The following ARHGAP23 variants were observed in gnomAD, a reference collection of about 807,000 sequenced individuals.
The protein encoded by ARHGAP23 is rho GTPase-activating protein 23.
In ARHGAP23, 34 loss-of-function variants were observed where a neutral mutation model predicts 136.3. The observed-to-expected ratio is 0.25, with a 90% CI of 0.19 to 0.33. The LOEUF (loss-of-function observed/expected upper bound fraction) is 0.33, where lower values mean the gene tolerates loss of function less well. Ranked by LOEUF, ARHGAP23 falls within the 10% of genes least tolerant of loss-of-function variation. The probability of loss-of-function intolerance (pLI) is 1.00; values close to 1 mark genes in which losing one functional copy is unlikely to be tolerated. For missense variants in ARHGAP23, 1,808 were observed against 2,139.0 expected (o/e 0.85, Z 3.05); for synonymous variants, 832 against 920.5 (o/e 0.90, Z 1.74).
chr17:38,446,086 C>T (rs2039026944), intron 1 of ARHGAP23, among the ~76,000 whole-genome samples: 1 of 150,188 alleles, frequency 6.7e-6, no homozygotes. Flanking sequence ...GCGATTTCAG[C>T]TCATTGTAAC....
chr17:38,444,442 G>A (rs1167534459), intron 1 of ARHGAP23, among the ~76,000 whole-genome samples: 3 of 152,114 alleles, frequency 2.0e-5, no homozygotes, highest in Admixed American at 1.3e-4. Context: ...GTGGCGCGTT[G>A]GAATGGGCAT....
rs368977450 is a variant in ARHGAP23 at position 38,466,282 on chromosome 17, G to A, written c.599G>A (p.Arg200Gln). The change falls in exon 7 of 24, where the codon CGG becomes CAG. Residue 200 changes from arginine (R) to glutamine (Q), a missense_variant. By Grantham distance (43) the Arg-to-Gln change is conservative. This residue lies in a region of ARHGAP23 where 859 missense variants were observed against 936.4 expected (regional missense o/e 0.92). Coordinates refer to ENST00000622683, the MANE Select transcript of ARHGAP23 (RefSeq NM_001199417.2). ...YPRKTYAPPARASTRATMVPE... is the reference protein window; with the variant it reads ...YPRKTYAPPAQASTRATMVPE... ...CGCAAGACCTACGCCCCTCCTGCCC[G>A]GGCCTCCACCAGGGCCACTATGGTG... The A allele has an allele frequency of 1.2e-4, 184 of 1,547,742 alleles. No individual in the cohort carries two copies. In the Admixed American group the frequency reaches 1.5e-3, roughly 13 times the overall value.
At chr17:38,467,716 T>C (rs1001708148) in intron 7 of ARHGAP23, among the ~76,000 whole-genome samples, 1 of 152,118 alleles carries the variant, frequency 6.6e-6, no homozygotes, top group Admixed American at 6.5e-5. Flanking sequence ...CCATCTATTC[T>C]TCCTTCTTTC....
At chr17:38,449,211 C>T (rs2039102736) in intron 1 of ARHGAP23, among the ~76,000 whole-genome samples, 1 of 152,190 alleles carries the variant, frequency 6.6e-6, no homozygotes, top group African/African-American at 2.4e-5. Flanking sequence ...CCTCATCTCC[C>T]TTCCCAGGCT....
At chr17:38,498,859 C>A in intron 22 of ARHGAP23, 1 of 696,534 alleles carries the variant, frequency 1.4e-6, no homozygotes, top group South Asian at 1.5e-5. Context: ...CCTTGCACCC[C>A]CGCCTCTCCC....
chr17:38,489,179 C>T (rs908185976), intron 17 of ARHGAP23, among the ~76,000 whole-genome samples: 8 of 152,138 alleles, frequency 5.3e-5, no homozygotes, highest in South Asian at 2.1e-4. Flanking sequence ...TGTGCCTGGC[C>T]GAAAACAATT....
chr17:38,420,856 G>A (rs1027992534), intron 1 of ARHGAP23, among the ~76,000 whole-genome samples: 2 of 152,170 alleles, frequency 1.3e-5, no homozygotes, highest in African/African-American at 4.8e-5. Context: ...GGAGGGAAGA[G>A]TAGTAAATGC....
chr17:38,490,025 C>T lies in ARHGAP23; in HGVS notation c.2987-77C>T, dbSNP rs1359795830. 5 of 1,420,972 alleles carry T rather than the reference C, an allele frequency of 3.5e-6. No individual in the cohort carries two copies. The East Asian group carries it at 7.4e-5, about 21-fold the overall frequency. The allele number at this position is 1,420,972 out of a possible 1,614,324, so 88.0% of individuals were successfully genotyped here. On this transcript the variant is annotated intron_variant, in intron 17 of 23. Coordinates refer to ENST00000622683, the MANE Select transcript of ARHGAP23 (RefSeq NM_001199417.2). ...CTGGAGGAGTTCAAAACACAGCCCT[C>T]CCAGCAGGGCCCTTGGCCGGGAGAA... is the stretch of plus-strand genomic sequence containing the variant.
At chr17:38,474,073 A>G (rs1003108783) in intron 11 of ARHGAP23, among the ~76,000 whole-genome samples, 8 of 152,152 alleles carry the variant, frequency 5.3e-5, no homozygotes, top group African/African-American at 1.9e-4. Flanking sequence ...GGCGCCTGCT[A>G]CCACACCCAG....
At chr17:38,423,184 G>A (rs954547815) in intron 1 of ARHGAP23, among the ~76,000 whole-genome samples, 6 of 151,866 alleles carry the variant, frequency 4.0e-5, no homozygotes, top group African/African-American at 1.5e-4. Context: ...GCATGTACTA[G>A]GTGCTCAATA....
chr17:38,479,646 A>G (rs2039982996), intron 13 of ARHGAP23, 107 bp from the exon 14 acceptor site: 4 of 1,340,256 alleles, frequency 3.0e-6, no homozygotes, highest in Non-Finnish European at 4.0e-6. Context: ...GCATGGAGGC[A>G]TTGCCTCAGG....
At chr17:38,446,156 A>T (rs2039028698) in intron 1 of ARHGAP23, among the ~76,000 whole-genome samples, 1 of 145,876 alleles carries the variant, frequency 6.9e-6, no homozygotes, top group Non-Finnish European at 1.5e-5. Flanking sequence ...CTGGGACTAC[A>T]TGTATGTGCC....
intron 11 of ARHGAP23, among the ~76,000 whole-genome samples, chr17:38,476,486 C>T (rs2039893731): frequency 6.6e-6 from 1 of 152,112 alleles, no homozygotes; most frequent in Non-Finnish European, 1.5e-5. Context: ...TAAGAAATCA[C>T]ATGGCCTGGC....
chr17:38,483,613 C>T (rs983587303), intron 16 of ARHGAP23, among the ~76,000 whole-genome samples: 15 of 152,240 alleles, frequency 9.9e-5, no homozygotes, highest in Non-Finnish European at 1.8e-4. Context: ...TGATGTCCCA[C>T]GAATCACACA....
intron 20 of ARHGAP23, among the ~76,000 whole-genome samples, chr17:38,496,696 G>A (rs1597840546): frequency 1.3e-5 from 2 of 152,120 alleles, no homozygotes; most frequent in Non-Finnish European, 1.5e-5. Context: ...TGGTATGCCT[G>A]TAATCCCAGC....
intron 1 of ARHGAP23, among the ~76,000 whole-genome samples, chr17:38,450,116 C>T (rs2039128289): frequency 6.6e-6 from 1 of 152,170 alleles, no homozygotes; most frequent in Non-Finnish European, 1.5e-5. Flanking sequence ...GAGCAGGGCT[C>T]CCTTGGTTTG....
chr17:38,424,154 C>T (rs898870646), upstream of ARHGAP23, among the ~76,000 whole-genome samples: 10 of 152,154 alleles, frequency 6.6e-5, no homozygotes, highest in Non-Finnish European at 1.5e-4. Flanking sequence ...TTCAGGGCTC[C>T]TTTGAGGACA....
intron 1 of ARHGAP23, among the ~76,000 whole-genome samples, chr17:38,448,667 A>G (rs1347136175): frequency 2.5e-5 from 3 of 119,666 alleles, no homozygotes; most frequent in South Asian, 2.5e-4. Flanking sequence ...TTTTTTTGAG[A>G]CAGGGTCTTG....
chr17:38,475,895 G>C (rs138085835), intron 11 of ARHGAP23, among the ~76,000 whole-genome samples: 2 of 152,156 alleles, frequency 1.3e-5, no homozygotes, highest in African/African-American at 4.8e-5. Context: ...AGGAGGTGAC[G>C]TTGGTGATGC....
Sources: gnomAD v4.1 joint callset for allele counts (sites outside exome capture counted in the v4.1 genomes callset) on GRCh38, gnomAD v4.1.1 for gene constraint, gnomAD v4.1.1 regional missense constraint, MANE v1.5 for transcripts, NCBI Gene and HGNC (gene_info 2026-07-23, HGNC 2026-07-21) for gene names.